RGPD2: variants seen among roughly 807,000 people sequenced by gnomAD.
The protein encoded by RGPD2 is RANBP2-like and GRIP domain-containing protein 2.
RGPD2 carries 2 observed loss-of-function variants against 36.0 expected under a neutral mutation model. The ratio of observed to expected loss-of-function variants is 0.06; its 90% CI spans 0.02 to 0.17. The LOEUF (loss-of-function observed/expected upper bound fraction) is 0.17. RGPD2 is among the 10% of genes least tolerant of loss of function. RGPD2 has a pLI of 1.00. For missense variants in RGPD2, 40 were observed against 464.3 expected (o/e 0.09, Z 8.40); for synonymous variants, 19 against 163.8 (o/e 0.12, Z 6.75).
chr2:87,937,351 G>C, the RGPD2 span, among the ~76,000 whole-genome samples: 8 of 151,894 alleles, frequency 5.3e-5, no homozygotes, highest in Admixed American at 1.3e-4. Context: ...GGGTGTGTTA[G>C]TCTGTTTTGC....
At chr2:87,988,380 A>C in the RGPD2 span, among the ~76,000 whole-genome samples, 3 of 117,750 alleles carry the variant, frequency 2.5e-5, no homozygotes, top group African/African-American at 8.6e-5. Context: ...TTATCTGAAA[A>C]TTGAGATATT....
At chr2:87,879,153 A>G in the RGPD2 span, among the ~76,000 whole-genome samples, 1 of 152,026 alleles carries the variant, frequency 6.6e-6, no homozygotes, top group Non-Finnish European at 1.5e-5. Flanking sequence ...TAAATTTTTA[A>G]TATTTAATCC....
At chr2:87,857,977 T>C in the RGPD2 span, among the ~76,000 whole-genome samples, 2 of 152,264 alleles carry the variant, frequency 1.3e-5, no homozygotes, top group Non-Finnish European at 2.9e-5. Context: ...AAATATAACA[T>C]AACCATTTTG....
chr2:87,986,238 C>T, the RGPD2 span, among the ~76,000 whole-genome samples: 13 of 150,214 alleles, frequency 8.7e-5, no homozygotes, highest in East Asian at 2.0e-4. Context: ...TGAGTTCAAG[C>T]GATTCTCCTG....
chr2:87,970,292 T>C, the RGPD2 span, among the ~76,000 whole-genome samples: 1 of 151,784 alleles, frequency 6.6e-6, no homozygotes, highest in Admixed American at 6.6e-5. Flanking sequence ...AGATATTATA[T>C]ATGTGTATAC....
the RGPD2 span, among the ~76,000 whole-genome samples, chr2:87,916,983 AG>A: frequency 6.6e-6 from 1 of 152,098 alleles, no homozygotes; most frequent in Admixed American, 6.5e-5. Flanking sequence ...TATTTTAAGT[AG>A]GGTGGCCAAA....
chr2:87,951,837 C>T, the RGPD2 span, among the ~76,000 whole-genome samples: 1 of 144,372 alleles, frequency 6.9e-6, no homozygotes, highest in Non-Finnish European at 1.5e-5. Context: ...CCCGCCTCAG[C>T]CTCCCAAAGT....
the RGPD2 span, chr2:87,989,078 A>G: frequency 2.6e-6 from 1 of 377,936 alleles, no homozygotes; most frequent in Admixed American, 5.1e-5. Context: ...CAATTACTTC[A>G]TGTCTTATAA....
At chr2:87,857,517 T>A in the RGPD2 span, among the ~76,000 whole-genome samples, 13 of 151,704 alleles carry the variant, frequency 8.6e-5, no homozygotes, top group East Asian at 2.6e-3. Context: ...TAATTTTTTG[T>A]ATTTTTAGTA....
the RGPD2 span, among the ~76,000 whole-genome samples, chr2:87,947,887 T>A: frequency 3.3e-5 from 5 of 152,192 alleles, no homozygotes; most frequent in African/African-American, 1.2e-4. Context: ...CCTTAAAGAG[T>A]TTAAAAGGCA....
the RGPD2 span, among the ~76,000 whole-genome samples, chr2:87,839,878 C>A: frequency 8.6e-5 from 13 of 151,694 alleles, no homozygotes; most frequent in African/African-American, 3.1e-4. Context: ...ACAGGTACTC[C>A]CAAACCTAAA....
At chr2:87,825,622 AGGTCGAGGCCGTC>A (rs1686765253) in intron 1 of RGPD2, 23 bp downstream of exon 1, 1 of 1,432,172 alleles carries the variant, frequency 7.0e-7, no homozygotes, top group African/African-American at 1.5e-5. Context: ...CCGCCCGGCC[AGGTCGAGGCCGTC>A]GGTCTCTTCG....
the RGPD2 span, among the ~76,000 whole-genome samples, chr2:87,915,600 G>A: frequency 0.016 from 2,263 of 143,842 alleles, 76 homozygotes; most frequent in African/African-American, 0.055. Context: ...ACATATATAT[G>A]TGTGTGTATA....
chr2:87,864,323 C>T, the RGPD2 span, among the ~76,000 whole-genome samples: 2 of 152,390 alleles, frequency 1.3e-5, no homozygotes, highest in African/African-American at 4.8e-5. Flanking sequence ...AACATAAGTG[C>T]TCTGGTTCTT....
chr2:87,858,533 C>G, the RGPD2 span, among the ~76,000 whole-genome samples: 1 of 147,450 alleles, frequency 6.8e-6, no homozygotes, highest in African/African-American at 2.5e-5. Context: ...GCCTCGGCCT[C>G]TTAAAGCACT....
chr2:87,983,134 A>G, the RGPD2 span, among the ~76,000 whole-genome samples: 2 of 150,440 alleles, frequency 1.3e-5, no homozygotes, highest in East Asian at 2.0e-4. Context: ...AGCATAGCCC[A>G]CATGGCAAAA....
chr2:87,856,699 C>A, the RGPD2 span, among the ~76,000 whole-genome samples: 1 of 152,180 alleles, frequency 6.6e-6, no homozygotes, highest in African/African-American at 2.4e-5. Context: ...GATCAATTTT[C>A]TAACATCACT....
chr2:87,874,364 C>T, the RGPD2 span, among the ~76,000 whole-genome samples: 5 of 118,120 alleles, frequency 4.2e-5, no homozygotes, highest in African/African-American at 1.4e-4. Flanking sequence ...TACATTTAAG[C>T]CTTTAATCCA....
chr2:87,988,941 C>T, the RGPD2 span, among the ~76,000 whole-genome samples: 6 of 152,002 alleles, frequency 3.9e-5, no homozygotes, highest in South Asian at 1.2e-3. Context: ...CCTTAGAGCA[C>T]ACATAGAGTG....
Sources: allele counts gnomAD v4.1 joint callset (sites outside exome capture counted in the v4.1 genomes callset), GRCh38; gene constraint gnomAD v4.1.1; transcripts MANE v1.5; gene names NCBI Gene and HGNC (gene_info 2026-07-23, HGNC 2026-07-21).